CPVL: variants seen among roughly 807,000 people sequenced by gnomAD.
CPVL encodes the protein carboxypeptidase vitellogenic like, also known as probable serine carboxypeptidase CPVL.
A neutral mutation model predicts 63.7 loss-of-function variants in CPVL; 51 were observed. That is an observed-to-expected ratio of 0.80 (90% confidence interval 0.64 to 1.01). CPVL has a LOEUF of 1.01. CPVL is among the 50% of genes least tolerant of loss of function. The pLI is 0.00. For missense variants in CPVL, 530 were observed against 573.1 expected (o/e 0.92, Z 0.77); for synonymous variants, 195 against 206.0 (o/e 0.95, Z 0.46).
intron 11 of CPVL, among the ~76,000 whole-genome samples, chr7:29,039,125 C>G (rs1324273064): frequency 6.6e-6 from 1 of 152,126 alleles, no homozygotes; most frequent in Non-Finnish European, 1.5e-5. Flanking sequence ...GAAGAGGGGC[C>G]AAGAAAAGTC....
At chr7:29,100,197 A>G (rs1786962786) in intron 3 of CPVL, among the ~76,000 whole-genome samples, 1 of 152,188 alleles carries the variant, frequency 6.6e-6, no homozygotes, top group African/African-American at 2.4e-5. Context: ...CTGCGAGTCC[A>G]ACTGATTCCA....
chr7:29,139,552 A>C (rs12700934), intron 1 of CPVL, among the ~76,000 whole-genome samples: 30,098 of 151,730 alleles, frequency 0.2, 3,174 homozygotes, highest in African/African-American at 0.27. Context: ...GGGGGCTACA[A>C]CACTGATTAA....
At chr7:29,019,552 G>A (rs1057192935) in intron 12 of CPVL, among the ~76,000 whole-genome samples, 1 of 152,194 alleles carries the variant, frequency 6.6e-6, no homozygotes, top group South Asian at 2.1e-4. Flanking sequence ...CCAGAGACAA[G>A]TCTACTTTGG....
intron 12 of CPVL, among the ~76,000 whole-genome samples, chr7:29,003,181 CACACACAGAG>C (rs1375491985): frequency 0.016 from 935 of 58,888 alleles, 16 homozygotes; most frequent in East Asian, 0.1. Flanking sequence ...CACACACACA[CACACACAGAG>C]AGAATAGCAT....
intron 12 of CPVL, among the ~76,000 whole-genome samples, chr7:29,000,009 A>ACAAG (rs1784458102): frequency 1.3e-5 from 2 of 152,136 alleles, no homozygotes; most frequent in African/African-American, 4.8e-5. Flanking sequence ...TTTAAATGTG[A>ACAAG]CAAGATTAAT....
chr7:29,071,656 A>G, intron 9 of CPVL, 117 bp downstream of exon 9: 1 of 1,131,094 alleles, frequency 8.8e-7, no homozygotes, highest in Non-Finnish European at 1.3e-6. Context: ...CAATGGAATA[A>G]CAGATATACC....
At chr7:29,112,149 A>T (rs571131402) in intron 3 of CPVL, among the ~76,000 whole-genome samples, 2 of 152,242 alleles carry the variant, frequency 1.3e-5, no homozygotes, top group East Asian at 3.9e-4. Context: ...CAATCCTCCC[A>T]ATCTTCTAAA....
At chr7:29,140,627 T>C (rs1421548537) in intron 1 of CPVL, among the ~76,000 whole-genome samples, 2 of 152,162 alleles carry the variant, frequency 1.3e-5, no homozygotes, top group East Asian at 3.9e-4. Context: ...CTATACAACT[T>C]GCTACTTCTA....
intron 5 of CPVL, among the ~76,000 whole-genome samples, chr7:29,161,840 A>G (rs941352919): frequency 6.6e-6 from 1 of 152,240 alleles, no homozygotes; most frequent in African/African-American, 2.4e-5. Flanking sequence ...TGAGAAAACA[A>G]TCTGATTTTT....
chr7:29,188,531 A>C (rs567746751), intron 1 of CPVL, among the ~76,000 whole-genome samples: 1 of 149,782 alleles, frequency 6.7e-6, no homozygotes, highest in Non-Finnish European at 1.5e-5. Context: ...TCCTTTTTTT[A>C]TTTTTTTTTT....
At chr7:29,173,175 A>T (rs919031035) in intron 5 of CPVL, among the ~76,000 whole-genome samples, 2 of 152,018 alleles carry the variant, frequency 1.3e-5, no homozygotes, top group South Asian at 4.2e-4. Flanking sequence ...TTAAAAAAAC[A>T]TTTTTAAAAA....
Position 29,120,887 on chromosome 7 carries a change from AC to A in CPVL, c.169+5del. 1 of 1,609,914 alleles carries A rather than the reference AC, an allele frequency of 6.2e-7. No individual in the cohort carries two copies. Among genetic ancestry groups the A allele is most frequent in the South Asian group, 1.1e-5 (1 of 90,246 alleles). On this transcript the variant is annotated splice_donor_5th_base_variant and intron_variant, in intron 2 of 12. Transcript: ENST00000265394. ...GTGGTTTTCTGATTTAATTAAACTT[AC>A]TTACCTTTTTGGATCTTCCCAGCTT...
intron 12 of CPVL, among the ~76,000 whole-genome samples, chr7:28,997,411 G>A (rs542120728): frequency 6.6e-6 from 1 of 152,274 alleles, no homozygotes; most frequent in East Asian, 1.9e-4. Context: ...AGTATATTTG[G>A]ATAGTACATT....
In CPVL at chr7:29,103,187, G is replaced by T. The variant is rs323197; in HGVS notation, c.289-6970C>A. 3.0e-4 allele frequency among the ~76,000 whole-genome samples: 41 copies of T among 137,492 alleles called. No individual in the cohort carries two copies. The East Asian group carries it at 5.4e-3, about 18-fold the overall frequency. 90.2% of individuals were successfully genotyped at this position (137,492 alleles called of 152,430 possible). A position where few individuals can be genotyped will look rare whatever the true frequency, so the allele number is the denominator to read the frequency against. On this transcript the variant is annotated intron_variant, in intron 3 of 12. Coordinates refer to ENST00000265394, the MANE Select transcript of CPVL (RefSeq NM_031311.5). ...AACAGTAAGTTAATATACTGGGGGG[G>T]GGGGGGGGGTGCTAAAAACTTGCCA... is the stretch of plus-strand genomic sequence containing the variant.
intron 11 of CPVL, among the ~76,000 whole-genome samples, chr7:29,051,907 T>C (rs996321062): frequency 1.4e-5 from 2 of 145,730 alleles, no homozygotes; most frequent in South Asian, 2.1e-4. Flanking sequence ...TATAAATATA[T>C]ATATATATTC....
intron 3 of CPVL, among the ~76,000 whole-genome samples, chr7:29,097,222 T>C (rs893237314): frequency 6.9e-6 from 1 of 145,506 alleles, no homozygotes. Context: ...GTAGTGTCAA[T>C]ACCATCACCT....
At position 29,013,322 on chromosome 7, in the gene CPVL, C is replaced by T. The variant is rs572023045; in HGVS notation, c.1320+17255G>A. The T allele has an allele frequency of 5.9e-5, 9 of 152,342 alleles. 1 individual carries two copies. In the South Asian group the frequency reaches 1.9e-3, roughly 32 times the overall value. 9.4% of individuals were successfully genotyped at this position (152,342 alleles called of 1,614,324 possible). A position where few individuals can be genotyped will look rare whatever the true frequency, so the allele number is the denominator to read the frequency against. ...AATCAGACCCACCCAGCTGAGCTCACTCAATCCACATATTTGTGAGAAATA... is the reference window on the plus strand; with the variant it reads ...AATCAGACCCACCCAGCTGAGCTCATTCAATCCACATATTTGTGAGAAATA... On this transcript the variant is annotated intron_variant, in intron 12 of 12. Transcript: ENST00000265394.
chr7:29,117,476 A>G (rs1788888160), intron 2 of CPVL, among the ~76,000 whole-genome samples: 1 of 152,224 alleles, frequency 6.6e-6, no homozygotes, highest in African/African-American at 2.4e-5. Flanking sequence ...CTATTTACGT[A>G]AATCTTACCC....
intron 12 of CPVL, among the ~76,000 whole-genome samples, chr7:29,016,597 C>G (rs1786435200): frequency 6.6e-6 from 1 of 152,050 alleles, no homozygotes; most frequent in Non-Finnish European, 1.5e-5. Flanking sequence ...GGGAGAAGCC[C>G]CTGAGCACAG....
Sources: allele counts gnomAD v4.1 joint callset (sites outside exome capture counted in the v4.1 genomes callset), GRCh38; gene constraint gnomAD v4.1.1; transcripts MANE v1.5; gene names NCBI Gene and HGNC (gene_info 2026-07-23, HGNC 2026-07-21).